Variants in CFAP61 observed in about 807,000 individuals in gnomAD.
The protein encoded by CFAP61 is cilia- and flagella-associated protein 61.
A neutral mutation model predicts 135.6 loss-of-function variants in CFAP61; 107 were observed. The observed-to-expected ratio is 0.79, with a 90% CI of 0.67 to 0.93. The LOEUF is 0.93. Among genes scored for constraint, CFAP61 ranks in the 40% least tolerant of loss-of-function variants. CFAP61 has a pLI of 0.00. For synonymous variants in CFAP61, 575 were observed against 578.5 expected (o/e 0.99, Z 0.09); for missense variants, 1,507 against 1,556.2 (o/e 0.97, Z 0.53).
chr20:20,211,157 G>A (rs1249841257), intron 17 of CFAP61, among the ~76,000 whole-genome samples: 1 of 152,160 alleles, frequency 6.6e-6, no homozygotes, highest in African/African-American at 2.4e-5. Flanking sequence ...AATCCAGAGG[G>A]AAAATGGCAT....
chr20:20,115,816 A>G (rs1030811759), intron 8 of CFAP61, among the ~76,000 whole-genome samples: 1 of 152,198 alleles, frequency 6.6e-6, no homozygotes, highest in African/African-American at 2.4e-5. Context: ...TATATATACC[A>G]CATTTGCTTT....
chr20:20,290,301 G>A lies in CFAP61; in HGVS notation c.3126G>A (p.Gly1042=). 6.2e-7 allele frequency: 1 copy of A among 1,603,186 alleles called. No individual in the cohort carries two copies. Among genetic ancestry groups the A allele is most frequent in the Non-Finnish European group, 8.5e-7 (1 of 1,169,938 alleles). Residue 1042 remains glycine, a splice_region_variant and synonymous_variant, in exon 24 of 27, where the codon GGG becomes GGA. Coordinates refer to ENST00000245957, the MANE Select transcript of CFAP61 (RefSeq NM_015585.4). ...TGGAAAACTTGCCATCTCTTCTAGG[G>A]GGCATTCTTCCTGGGTCTTACCATT... ...IPMYKGAKIQ[G]GILPGSYHYL...
chr20:20,199,364 G>C (rs994545171), intron 16 of CFAP61, among the ~76,000 whole-genome samples: 1 of 152,098 alleles, frequency 6.6e-6, no homozygotes, highest in African/African-American at 2.4e-5. Context: ...TTTTATCTAT[G>C]TGTCTTCTTA....
chr20:20,191,332 A>G lies in CFAP61; in HGVS notation c.1513-10A>G. 1 of 1,611,374 alleles carries G rather than the reference A, an allele frequency of 6.2e-7. No individual in the cohort carries two copies. Among genetic ancestry groups the G allele is most frequent in the South Asian group, 1.1e-5 (1 of 90,824 alleles). On this transcript the variant is annotated splice_polypyrimidine_tract_variant and intron_variant, in intron 14 of 26. Coordinates refer to ENST00000245957, the MANE Select transcript of CFAP61 (RefSeq NM_015585.4). ...TTTAAGGGTCTTAAAATATATGCTT[A>G]TCTTTTCAGGATGGAACACTGCTGC...
At chr20:20,097,459 AT>A (rs1268688732) in intron 7 of CFAP61, among the ~76,000 whole-genome samples, 2 of 152,226 alleles carry the variant, frequency 1.3e-5, no homozygotes, top group African/African-American at 4.8e-5. Context: ...GCAGAAAACA[AT>A]GAAATACAGA....
chr20:20,318,363 G>A (rs1485651874), intron 25 of CFAP61, among the ~76,000 whole-genome samples: 1 of 152,144 alleles, frequency 6.6e-6, no homozygotes, highest in Non-Finnish European at 1.5e-5. Context: ...AGAGGTTATT[G>A]GATAAAGCAT....
At chr20:20,234,839 A>G (rs1427721764) in intron 18 of CFAP61, among the ~76,000 whole-genome samples, 3 of 152,154 alleles carry the variant, frequency 2.0e-5, no homozygotes, top group Admixed American at 2.0e-4. Context: ...TCCAAAACGC[A>G]GAACTTCAGT....
chr20:20,228,504 G>T, intron 18 of CFAP61, 128 bp downstream of exon 18: 1 of 715,984 alleles, frequency 1.4e-6, no homozygotes, highest in Non-Finnish European at 2.3e-6. Context: ...TGCCTATGTG[G>T]ATGGATGAAT....
chr20:20,312,285 C>T (rs1385655243), intron 25 of CFAP61, among the ~76,000 whole-genome samples: 2 of 152,098 alleles, frequency 1.3e-5, no homozygotes, highest in African/African-American at 4.8e-5. Flanking sequence ...AACTGCATTC[C>T]ATGTGATTAA....
intron 20 of CFAP61, among the ~76,000 whole-genome samples, chr20:20,255,508 T>G (rs2051472230): frequency 6.6e-6 from 1 of 152,094 alleles, no homozygotes; most frequent in Admixed American, 6.5e-5. Flanking sequence ...GGGTCGGCAA[T>G]GTTACATTGT....
At chr20:20,174,060 C>T (rs754142509) in intron 13 of CFAP61, among the ~76,000 whole-genome samples, 1 of 152,182 alleles carries the variant, frequency 6.6e-6, no homozygotes, top group East Asian at 1.9e-4. Flanking sequence ...GGCTTTTCTT[C>T]GTAACCTTTT....
At chr20:20,114,457 T>C (rs1032083155) in intron 8 of CFAP61, among the ~76,000 whole-genome samples, 5 of 150,816 alleles carry the variant, frequency 3.3e-5, no homozygotes, top group South Asian at 2.1e-4. Flanking sequence ...TTTCCTCCTA[T>C]AATGTTTTAT....
intron 26 of CFAP61, 73 bp downstream of exon 26, chr20:20,341,994 A>G: frequency 1.0e-6 from 1 of 995,486 alleles, no homozygotes; most frequent in South Asian, 1.6e-5. Context: ...GATCATTTAG[A>G]CTTTTCCCTA....
intron 8 of CFAP61, among the ~76,000 whole-genome samples, chr20:20,132,165 A>G (rs925078558): frequency 2.0e-5 from 3 of 152,060 alleles, no homozygotes; most frequent in African/African-American, 7.2e-5. Context: ...ATAAAAGTGG[A>G]ATTGTGTATT....
At chr20:20,328,231 A>G (rs911492902) in intron 25 of CFAP61, among the ~76,000 whole-genome samples, 3 of 152,162 alleles carry the variant, frequency 2.0e-5, no homozygotes, top group Admixed American at 6.5e-5. Flanking sequence ...CAACATGCCA[A>G]TTCATGTTTT....
intron 12 of CFAP61, 72 bp downstream of exon 12, chr20:20,166,508 A>T: frequency 8.4e-7 from 1 of 1,184,644 alleles, no homozygotes; most frequent in Non-Finnish European, 1.3e-6. Context: ...AAATGCCATA[A>T]ATTTATTATG....
chr20:20,269,603 C>T (rs1310344936), intron 21 of CFAP61, among the ~76,000 whole-genome samples: 2 of 152,166 alleles, frequency 1.3e-5, no homozygotes, highest in Non-Finnish European at 2.9e-5. Flanking sequence ...AACTCCTAAC[C>T]TCAAGTGATC....
intron 2 of CFAP61, among the ~76,000 whole-genome samples, chr20:20,063,086 G>A (rs997959899): frequency 1.3e-5 from 2 of 152,108 alleles, no homozygotes; most frequent in African/African-American, 4.8e-5. Flanking sequence ...AAATTGAATC[G>A]TTAGTTTTAA....
chr20:20,351,043 G>A (rs1311632883), intron 26 of CFAP61, among the ~76,000 whole-genome samples: 1 of 152,094 alleles, frequency 6.6e-6, no homozygotes, highest in Non-Finnish European at 1.5e-5. Context: ...CTAAGATCAG[G>A]AACAAGACAA....
Sources: gnomAD v4.1 joint callset for allele counts (sites outside exome capture counted in the v4.1 genomes callset) on GRCh38, gnomAD v4.1.1 for gene constraint, MANE v1.5 for transcripts, NCBI Gene and HGNC (gene_info 2026-07-23, HGNC 2026-07-21) for gene names.